The following BORCS5 variants were observed in gnomAD, a reference collection of about 807,000 sequenced individuals.
BORCS5 encodes the protein BLOC-1-related complex subunit 5.
A neutral mutation model predicts 22.1 loss-of-function variants in BORCS5; 17 were observed. The ratio of observed to expected loss-of-function variants is 0.77; its 90% confidence interval spans 0.53 to 1.15. BORCS5 has a LOEUF of 1.15. Among genes scored for constraint, BORCS5 ranks in the 50% most tolerant of loss-of-function variants. BORCS5 has a pLI of 0.00. For missense variants in BORCS5, 247 were observed against 253.2 expected, an observed-to-expected ratio of 0.98 and a Z score of 0.17; for synonymous variants, 117 against 99.8, an observed-to-expected ratio of 1.17 and a Z score of -1.03.
At chr12:12,403,028 C>T (rs559187343) in intron 2 of BORCS5, among the ~76,000 whole-genome samples, 20 of 151,788 alleles carry the variant, frequency 1.3e-4, no homozygotes, top group African/African-American at 4.8e-4. Context: ...TGAGTATACA[C>T]AGTCCCACTT....
At chr12:12,391,553 T>C (rs928486853) in intron 2 of BORCS5, among the ~76,000 whole-genome samples, 5 of 151,148 alleles carry the variant, frequency 3.3e-5, no homozygotes, top group Admixed American at 2.0e-4. Context: ...GCCCGGCTAA[T>C]TTTTTTGTAT....
chr12:12,454,613 G>A (rs1942967371), intron 3 of BORCS5, among the ~76,000 whole-genome samples: 1 of 152,124 alleles, frequency 6.6e-6, no homozygotes, highest in Non-Finnish European at 1.5e-5. Flanking sequence ...TGAGAAGGGT[G>A]GATATTGAAG....
At chr12:12,376,462 T>A (rs1436045906) in intron 2 of BORCS5, among the ~76,000 whole-genome samples, 1 of 152,094 alleles carries the variant, frequency 6.6e-6, no homozygotes, top group Non-Finnish European at 1.5e-5. Flanking sequence ...CTCTATCTCC[T>A]GACCTCGTGA....
chr12:12,433,538 T>G (rs992379263), intron 2 of BORCS5, among the ~76,000 whole-genome samples: 1 of 152,118 alleles, frequency 6.6e-6, no homozygotes, highest in Non-Finnish European at 1.5e-5. Context: ...GTCAATATCC[T>G]GGTTGTGATA....
chr12:12,442,789 C>CT (rs1942710868), intron 3 of BORCS5, among the ~76,000 whole-genome samples: 2 of 152,064 alleles, frequency 1.3e-5, no homozygotes, highest in African/African-American at 4.8e-5. Flanking sequence ...TTGGTTATTC[C>CT]TTTTTTTACA....
intron 3 of BORCS5, among the ~76,000 whole-genome samples, chr12:12,454,961 A>T (rs1942972562): frequency 1.3e-5 from 2 of 152,214 alleles, no homozygotes; most frequent in Admixed American, 1.3e-4. Flanking sequence ...TGTTAATGGT[A>T]ATGAATTATT....
chr12:12,360,407 GTTGTT>G (rs1863253902), intron 1 of BORCS5, among the ~76,000 whole-genome samples: 1 of 151,906 alleles, frequency 6.6e-6, no homozygotes, highest in South Asian at 2.1e-4. Context: ...TGTTGTTGTT[GTTGTT>G]TTGTTTTTTG....
At chr12:12,360,773 T>G (rs1863265040) in intron 1 of BORCS5, among the ~76,000 whole-genome samples, 1 of 151,982 alleles carries the variant, frequency 6.6e-6, no homozygotes, top group South Asian at 2.1e-4. Context: ...CAGGCTCAAG[T>G]GCAGTGGCAC....
intron 3 of BORCS5, among the ~76,000 whole-genome samples, chr12:12,451,219 G>T (rs1446549482): frequency 1.3e-5 from 2 of 151,606 alleles, no homozygotes; most frequent in Admixed American, 6.6e-5. Flanking sequence ...TGAGTCAGAG[G>T]GTTGTAAAAA....
chr12:12,407,713 T>G (rs1408466779), intron 2 of BORCS5, among the ~76,000 whole-genome samples: 3 of 151,010 alleles, frequency 2.0e-5, no homozygotes, highest in Non-Finnish European at 3.0e-5. Flanking sequence ...TTTTTGTTTT[T>G]TTTTTTTTTT....
At chr12:12,385,750 C>T (rs1486973550) in intron 2 of BORCS5, among the ~76,000 whole-genome samples, 4 of 150,990 alleles carry the variant, frequency 2.6e-5, no homozygotes, top group African/African-American at 4.9e-5. Context: ...CCTCGTGATC[C>T]GCCTGCCTCG....
chr12:12,435,564 C>A, intron 2 of BORCS5, 64 bp from the exon 3 acceptor site: 2 of 1,382,262 alleles, frequency 1.4e-6, no homozygotes, highest in Non-Finnish European at 2.0e-6. Flanking sequence ...ACTTGTTAAA[C>A]TACTTTATTC....
chr12:12,419,018 T>G (rs187687922), intron 2 of BORCS5, among the ~76,000 whole-genome samples: 1 of 152,158 alleles, frequency 6.6e-6, no homozygotes, highest in Admixed American at 6.5e-5. Flanking sequence ...TCTCATTCCC[T>G]TTTGTGTATG....
intron 3 of BORCS5, among the ~76,000 whole-genome samples, chr12:12,463,606 A>G (rs548739941): frequency 2.6e-5 from 4 of 152,334 alleles, no homozygotes; most frequent in Admixed American, 2.6e-4. Flanking sequence ...ATGGAGCATA[A>G]TGGAAGTAAG....
At chr12:12,358,402 C>G (rs1011199593) in intron 1 of BORCS5, among the ~76,000 whole-genome samples, 4 of 152,220 alleles carry the variant, frequency 2.6e-5, no homozygotes, top group African/African-American at 9.7e-5. Flanking sequence ...TAGTTCAGAC[C>G]TACATTCTGG....
intron 2 of BORCS5, among the ~76,000 whole-genome samples, chr12:12,409,883 C>T (rs2136083983): frequency 6.6e-6 from 1 of 152,314 alleles, no homozygotes; most frequent in African/African-American, 2.4e-5. Flanking sequence ...ACACCCTCTC[C>T]AGCACCTGTT....
chr12:12,437,742 T>C (rs779489321), intron 3 of BORCS5, among the ~76,000 whole-genome samples: 1 of 152,222 alleles, frequency 6.6e-6, no homozygotes, highest in Non-Finnish European at 1.5e-5. Context: ...TGGGAAATGC[T>C]ATTGTAGACA....
intron 2 of BORCS5, among the ~76,000 whole-genome samples, chr12:12,365,398 T>A (rs185565525): frequency 6.6e-6 from 1 of 151,972 alleles, no homozygotes; most frequent in East Asian, 1.9e-4. Flanking sequence ...CATGTTGGTC[T>A]TGAGCTCCTG....
chr12:12,434,391 G>C (rs1471130619), intron 2 of BORCS5, among the ~76,000 whole-genome samples: 3 of 151,930 alleles, frequency 2.0e-5, no homozygotes, highest in Admixed American at 1.3e-4. Flanking sequence ...GAGACAGAAT[G>C]GTCTGGCATG....
Sources: allele counts gnomAD v4.1 joint callset (sites outside exome capture counted in the v4.1 genomes callset), GRCh38; gene constraint gnomAD v4.1.1; transcripts MANE v1.5; gene names NCBI Gene and HGNC (gene_info 2026-07-23, HGNC 2026-07-21).